Variants in ADAMDEC1 observed in about 807,000 individuals in gnomAD.
ADAMDEC1 encodes the protein ADAM like decysin 1, also known as ADAM DEC1.
In ADAMDEC1, 62 loss-of-function variants were observed where a neutral mutation model predicts 60.4. That is an observed-to-expected ratio of 1.03 (90% CI 0.84 to 1.27). ADAMDEC1 has a LOEUF of 1.27. ADAMDEC1 is among the 50% of genes most tolerant of loss of function. The probability of loss-of-function intolerance (pLI) is 0.00; values close to 1 mark genes in which losing one functional copy is unlikely to be tolerated. For synonymous variants in ADAMDEC1, 210 were observed against 195.1 expected (o/e 1.08, Z -0.64); for missense variants, 595 against 565.0 (o/e 1.05, Z -0.54).
At position 24,404,083 on chromosome 8, in the gene ADAMDEC1, T is replaced by C. The variant is rs368327347; in HGVS notation, c.1401T>C (p.His467=). The C allele has an allele frequency of 8.1e-6, 13 of 1,613,354 alleles. No homozygotes were observed. The highest frequency in any genetic ancestry group is 1.7e-5 in the Admixed American group (1 of 59,912). Residue 467 remains histidine, a synonymous_variant, in exon 13 of 14, where the codon CAT becomes CAC. Transcript: ENST00000256412. The stretch of plus-strand genomic sequence containing the variant: ...ATTGCGGAGGAGATGCTCCAAACCA[T>C]ACCACGTAAGACCTTTTGTTTTCTT... ...GTDCGGDAPN[H]TTE
chr8:24,398,176 G>T (rs1159211666), intron 7 of ADAMDEC1, among the ~76,000 whole-genome samples: 1 of 151,528 alleles, frequency 6.6e-6, no homozygotes, highest in African/African-American at 2.4e-5. Flanking sequence ...AGTAAATATT[G>T]TTTTGTAATC....
At chr8:24,392,724 T>G (rs943328248) in intron 2 of ADAMDEC1, among the ~76,000 whole-genome samples, 1 of 152,162 alleles carries the variant, frequency 6.6e-6, no homozygotes, top group African/African-American at 2.4e-5. Flanking sequence ...GTGAATTGTC[T>G]TTTTCCTCAG....
rs571663368 is a variant in ADAMDEC1, at chr8:24,385,321, C to A, written c.88+729C>A. ...AAGCTCCCCACAAAATTCCCACTTG[C>A]CTAAAAGTTGCCGTGCAAAAGCTGC... On this transcript the variant is annotated intron_variant, in intron 1 of 13. Transcript: ENST00000256412. Among the ~76,000 whole-genome samples, 3 of 152,258 alleles carry A rather than the reference C, an allele frequency of 2.0e-5. No individual in the cohort carries two copies. In the East Asian group the frequency reaches 5.8e-4, roughly 29 times the overall value.
chr8:24,397,051 T>A (rs1231204354), intron 5 of ADAMDEC1, among the ~76,000 whole-genome samples: 1 of 152,252 alleles, frequency 6.6e-6, no homozygotes, highest in African/African-American at 2.4e-5. Context: ...TTCATCTTTA[T>A]AATTCTTGTT....
chr8:24,384,784 A>G (rs1025449406), intron 1 of ADAMDEC1, among the ~76,000 whole-genome samples, 192 bp downstream of exon 1: 1 of 152,172 alleles, frequency 6.6e-6, no homozygotes, highest in African/African-American at 2.4e-5. Context: ...TTGAGTGAGG[A>G]TATTTTAAAC....
In ADAMDEC1 at chr8:24,392,293, G is replaced by A. The variant is rs190498209; in HGVS notation, c.120G>A (p.Thr40=). 27 of 1,610,468 alleles carry A rather than the reference G, an allele frequency of 1.7e-5. No homozygotes were observed. In the East Asian group the frequency reaches 4.0e-4, roughly 24 times the overall value. The change falls in exon 2 of 14, where the codon ACG becomes ACA. Residue 40 remains threonine (T), a synonymous_variant. Coordinates refer to ENST00000256412, the MANE Select transcript of ADAMDEC1 (RefSeq NM_014479.3). ...CCATAAAGCAAACACCTGAATTAAC[G>A]CTCCATGAAATAGTTTGTCCTAAAA... is the stretch of plus-strand genomic sequence containing the variant. ...AIAIKQTPEL[T]LHEIVCPKKL...
intron 13 of ADAMDEC1, among the ~76,000 whole-genome samples, chr8:24,404,950 C>T (rs918888952): frequency 6.6e-6 from 1 of 152,062 alleles, no homozygotes; most frequent in Non-Finnish European, 1.5e-5. Flanking sequence ...AACATAGCAT[C>T]ACAAAAGAAA....
chr8:24,392,434 A>G (rs1187797388), intron 2 of ADAMDEC1, 54 bp downstream of exon 2: 16 of 1,364,958 alleles, frequency 1.2e-5, no homozygotes, highest in Non-Finnish European at 1.6e-5. Context: ...AGAGACAATA[A>G]AAAGCCTTTT....
chr8:24,405,517 TTTC>T lies in ADAMDEC1; in HGVS notation c.*222_*224del. Reference sequence around the variant, plus strand: ...TTTCTTTTTACTTTTTTTTTTCTTTTTTCTTTTTTTTTAAAGATCATGAATTTG... The same window carrying T: ...TTTCTTTTTACTTTTTTTTTTCTTTTTTTTTTTTTAAAGATCATGAATTTG... On this transcript the variant is annotated 3_prime_UTR_variant, in exon 14 of 14. Coordinates refer to ENST00000256412, the MANE Select transcript of ADAMDEC1 (RefSeq NM_014479.3). 2.0e-6 allele frequency: 1 copy of T among 489,832 alleles called. No homozygotes were observed. 30.3% of individuals were successfully genotyped at this position (489,832 alleles called of 1,614,324 possible).
At chr8:24,405,117 T>G (rs1817857047) in intron 13 of ADAMDEC1, among the ~76,000 whole-genome samples, 175 bp from the exon 14 acceptor site, 1 of 152,192 alleles carries the variant, frequency 6.6e-6, no homozygotes, top group Non-Finnish European at 1.5e-5. Context: ...GGACTTTAAG[T>G]CCAGATAAAT....
intron 5 of ADAMDEC1, among the ~76,000 whole-genome samples, chr8:24,396,328 G>C (rs978544606): frequency 6.6e-6 from 1 of 152,036 alleles, no homozygotes; most frequent in Non-Finnish European, 1.5e-5. Context: ...GGCTAACACG[G>C]TGAAACCCCA....
intron 8 of ADAMDEC1, 147 bp from the exon 9 acceptor site, chr8:24,398,727 C>G: frequency 1.0e-6 from 1 of 998,024 alleles, no homozygotes; most frequent in Middle Eastern, 2.4e-4. Flanking sequence ...TGCATGGCAA[C>G]AAAGACAACT....
rs1449894354 is a variant in ADAMDEC1 at position 24,398,951 on chromosome 8, G to A, written c.840G>A (p.Val280=). The change falls in exon 9 of 14, where the codon GTG becomes GTA. Residue 280 remains valine, a synonymous_variant. Coordinates refer to ENST00000256412, the MANE Select transcript of ADAMDEC1 (RefSeq NM_014479.3). ...CTGATGGGGATAAGATAAAGGTGGT[G>A]CCCAGCGCAAGCACCACGTTTGACA... The part of the protein sequence containing the change: ...IWSDGDKIKV[V]PSASTTFDNF... 1.9e-6 allele frequency: 3 copies of A among 1,613,880 alleles called. No individual in the cohort carries two copies. Among genetic ancestry groups the A allele is most frequent in the African/African-American group, 1.3e-5 (1 of 75,034 alleles).
Position 24,398,878 on chromosome 8 carries a change from A to T in ADAMDEC1, c.767A>T (p.Tyr256Phe). 6.2e-7 allele frequency: 1 copy of T among 1,613,312 alleles called. No homozygotes were observed. Among genetic ancestry groups the T allele is most frequent in the Non-Finnish European group, 8.5e-7 (1 of 1,179,724 alleles). The change falls in exon 9 of 14, where the codon TAT (tyrosine) becomes TTT (phenylalanine). Residue 256 changes from tyrosine (Y) to phenylalanine (F), a missense_variant. Coordinates refer to ENST00000256412, the MANE Select transcript of ADAMDEC1 (RefSeq NM_014479.3). ...FDVMNLLNVIYNTIDVQVALV... is the reference protein window; with the variant it reads ...FDVMNLLNVIFNTIDVQVALV... Reference sequence around the variant, plus strand: ...AGATAAATGCTCTTTCCACAGATATATAACACCATAGATGTTCAAGTGGCC... The same window carrying T: ...AGATAAATGCTCTTTCCACAGATATTTAACACCATAGATGTTCAAGTGGCC...
At position 24,405,325 on chromosome 8, in the gene ADAMDEC1, C is replaced by T. The variant is rs1817862801; in HGVS notation, c.*27C>T. 1 of 1,611,904 alleles carries T rather than the reference C, an allele frequency of 6.2e-7. No homozygotes were observed. Among genetic ancestry groups the T allele is most frequent in the Non-Finnish European group, 8.5e-7 (1 of 1,178,832 alleles). The stretch of plus-strand genomic sequence containing the variant: ...TCCAAAAGTCTGCTTCACTGAGATG[C>T]TACCTTGCCAGGACAAGAACCAAGA... On this transcript the variant is annotated 3_prime_UTR_variant, in exon 14 of 14. Transcript: ENST00000256412.
chr8:24,385,659 A>G (rs187836223), intron 1 of ADAMDEC1, among the ~76,000 whole-genome samples: 201 of 152,250 alleles, frequency 1.3e-3, no homozygotes, highest in African/African-American at 4.6e-3. Flanking sequence ...GACAACACAG[A>G]ACTAACTTCC....
intron 1 of ADAMDEC1, among the ~76,000 whole-genome samples, chr8:24,391,660 T>C (rs1451250322): frequency 1.3e-5 from 2 of 152,180 alleles, no homozygotes; most frequent in Non-Finnish European, 2.9e-5. Flanking sequence ...TTTATTTCTT[T>C]GAAATCTAAA....
intron 7 of ADAMDEC1, among the ~76,000 whole-genome samples, chr8:24,398,041 T>G (rs1817661944): frequency 6.7e-6 from 1 of 150,372 alleles, no homozygotes; most frequent in Non-Finnish European, 1.5e-5. Context: ...CTTTATATCT[T>G]AATATAAAAT....
chr8:24,394,949 C>T (rs553433297), intron 4 of ADAMDEC1, among the ~76,000 whole-genome samples: 1 of 152,306 alleles, frequency 6.6e-6, no homozygotes, highest in South Asian at 2.1e-4. Flanking sequence ...GACGATATCT[C>T]TTCCAAAAAG....
Sources: allele counts gnomAD v4.1 joint callset (sites outside exome capture counted in the v4.1 genomes callset), GRCh38; gene constraint gnomAD v4.1.1; transcripts MANE v1.5; gene names NCBI Gene and HGNC (gene_info 2026-07-23, HGNC 2026-07-21).